The following GPD2 variants were observed in gnomAD, a reference collection of about 807,000 sequenced individuals.
The protein encoded by GPD2 is glycerol-3-phosphate dehydrogenase, mitochondrial.
In GPD2, 54 loss-of-function variants were observed where a neutral mutation model predicts 82.4. That is an observed-to-expected ratio of 0.66 (90% CI 0.53 to 0.82). The LOEUF (loss-of-function observed/expected upper bound fraction) is 0.82. Among genes scored for constraint, GPD2 ranks in the 40% least tolerant of loss-of-function variants. GPD2 has a pLI of 0.00. For missense variants in GPD2, 748 were observed against 896.2 expected, an observed-to-expected ratio of 0.83 and a Z score of 2.11; for synonymous variants, 288 against 306.1, an observed-to-expected ratio of 0.94 and a Z score of 0.62.
intron 2 of GPD2, among the ~76,000 whole-genome samples, chr2:156,492,315 G>A (rs796362951): frequency 1.3e-4 from 19 of 151,110 alleles, no homozygotes; most frequent in African/African-American, 2.7e-4. Context: ...CACCATGCCC[G>A]GCTAATTTTT....
chr2:156,530,984 G>A (rs1289975006), intron 6 of GPD2, among the ~76,000 whole-genome samples: 1 of 152,090 alleles, frequency 6.6e-6, no homozygotes, highest in African/African-American at 2.4e-5. Context: ...GCACCACGGT[G>A]CTTTGTTTAA....
chr2:156,520,824 A>G (rs964722730), intron 6 of GPD2, among the ~76,000 whole-genome samples: 8 of 152,168 alleles, frequency 5.3e-5, no homozygotes, highest in Non-Finnish European at 1.0e-4. Context: ...GAGCTCTGGC[A>G]GTCCGCCTGC....
At chr2:156,427,858 T>C in the GPD2 span, among the ~76,000 whole-genome samples, 1 of 152,196 alleles carries the variant, frequency 6.6e-6, no homozygotes, top group African/African-American at 2.4e-5. Flanking sequence ...GAGAATCCAT[T>C]CTGTGTTTCT....
At chr2:156,553,999 C>G (rs1364901651) in intron 8 of GPD2, among the ~76,000 whole-genome samples, 1 of 152,104 alleles carries the variant, frequency 6.6e-6, no homozygotes, top group Non-Finnish European at 1.5e-5. Context: ...ACTACACATC[C>G]TGTTGGAAGC....
In GPD2 at chr2:156,550,668, G is replaced by A. The variant is rs773066241; in HGVS notation, c.893G>A (p.Arg298His). 2.7e-5 allele frequency: 43 copies of A among 1,613,480 alleles called. No individual in the cohort carries two copies. Among genetic ancestry groups the A allele is most frequent in the Admixed American group, 1.3e-4 (8 of 60,004 alleles). Residue 298 changes from arginine (R) to histidine (H), a missense_variant, in exon 8 of 17, where the codon CGC becomes CAC. By Grantham distance (29) the Arg-to-His change is conservative. Coordinates refer to ENST00000438166, the MANE Select transcript of GPD2 (RefSeq NM_000408.5). Reference protein sequence around the residue: ...NATGPFTDSVRKMDDKDAAAI... With the variant: ...NATGPFTDSVHKMDDKDAAAI... ...ACGGGACCTTTCACGGACTCTGTGC[G>A]CAAAATGGATGATAAAGACGCAGCA...
rs200126379 is a variant in GPD2, at chr2:156,450,682, T to A, written c.-9+14169T>A. 1.9e-4 allele frequency among the ~76,000 whole-genome samples: 21 copies of A among 112,420 alleles called. 1 individual carries two copies. The South Asian group carries it at 2.4e-3, about 13-fold the overall frequency. 73.8% of individuals were successfully genotyped at this position (112,420 alleles called of 152,430 possible). ...AGACAACTCTTTTTTTTTTTTTTTT[T>A]ATTGCTCATTCTTGGGTGTTTCTCG... On this transcript the variant is annotated intron_variant, in intron 1 of 16. Coordinates refer to ENST00000438166, the MANE Select transcript of GPD2 (RefSeq NM_000408.5).
chr2:156,507,231 T>C (rs297593), intron 3 of GPD2, among the ~76,000 whole-genome samples: 105,932 of 151,758 alleles, frequency 0.7, 37,129 homozygotes, highest in Middle Eastern at 0.82. Flanking sequence ...AGGCTGGTCT[T>C]GAACTCCTGA....
the GPD2 span, among the ~76,000 whole-genome samples, chr2:156,419,375 A>G: frequency 6.6e-6 from 1 of 152,152 alleles, no homozygotes. Context: ...ACTGTTTTCT[A>G]AGCTCCAACA....
chr2:156,438,590 T>C (rs1023531329), intron 1 of GPD2, among the ~76,000 whole-genome samples: 22 of 152,216 alleles, frequency 1.4e-4, no homozygotes, highest in Admixed American at 4.6e-4. Flanking sequence ...TTCTCAGTTT[T>C]AGTTTTTGAA....
At chr2:156,496,930 A>G (rs906652702) in intron 3 of GPD2, among the ~76,000 whole-genome samples, 1 of 149,574 alleles carries the variant, frequency 6.7e-6, no homozygotes, top group Non-Finnish European at 1.5e-5. Flanking sequence ...AATGGAAAAT[A>G]TCACTAATCT....
At chr2:156,412,868 A>C in the GPD2 span, among the ~76,000 whole-genome samples, 8 of 152,286 alleles carry the variant, frequency 5.3e-5, no homozygotes, top group African/African-American at 1.4e-4. Context: ...AGGCTGAGAC[A>C]GGTGGATCAA....
chr2:156,492,444 CTT>C (rs79707384), intron 2 of GPD2, among the ~76,000 whole-genome samples: 1 of 131,868 alleles, frequency 7.6e-6, no homozygotes, highest in Non-Finnish European at 1.6e-5. Flanking sequence ...TGCACCTGGC[CTT>C]TTTTTTTTTT....
At chr2:156,570,286 C>G in intron 12 of GPD2, 68 bp downstream of exon 12, 1 of 1,461,092 alleles carries the variant, frequency 6.8e-7, no homozygotes, top group Non-Finnish European at 9.6e-7. Flanking sequence ...CATTTGTCAT[C>G]TTTAAAAATT....
chr2:156,521,067 A>G (rs1685389872), intron 6 of GPD2, among the ~76,000 whole-genome samples: 1 of 152,204 alleles, frequency 6.6e-6, no homozygotes, highest in Non-Finnish European at 1.5e-5. Context: ...TATATGTACA[A>G]AAAGTTCATA....
At chr2:156,548,211 C>T (rs1158829096) in intron 6 of GPD2, among the ~76,000 whole-genome samples, 1 of 152,064 alleles carries the variant, frequency 6.6e-6, no homozygotes, top group African/African-American at 2.4e-5. Context: ...GCAAGGAACC[C>T]TACATTAATA....
chr2:156,562,198 T>G (rs1194431228), intron 9 of GPD2, among the ~76,000 whole-genome samples: 1 of 152,220 alleles, frequency 6.6e-6, no homozygotes, highest in East Asian at 1.9e-4. Context: ...TTTAGGCAGC[T>G]TCTCTACTTG....
chr2:156,561,133 C>T (rs943422976), intron 9 of GPD2, among the ~76,000 whole-genome samples: 3 of 137,262 alleles, frequency 2.2e-5, no homozygotes, highest in Non-Finnish European at 4.6e-5. Context: ...CTGCAACTTC[C>T]GCCTCCTGGG....
the GPD2 span, among the ~76,000 whole-genome samples, chr2:156,405,144 TG>T: frequency 6.6e-6 from 1 of 152,078 alleles, no homozygotes; most frequent in African/African-American, 2.4e-5. Context: ...AGCTCTAGCA[TG>T]AGGTGCATGG....
Position 156,514,595 on chromosome 2 carries a change from A to G in GPD2, c.661+1099A>G, listed in dbSNP as rs144798921. Among the ~76,000 whole-genome samples, 1,126 of 152,172 alleles carry G rather than the reference A, an allele frequency of 7.4e-3. 11 individuals carry two copies. The highest frequency in any genetic ancestry group is 0.024 in the Middle Eastern group (7 of 294). ...CAGTGTTACATTTCTGAACCAATTC[A>G]GCTGTCAGGCTTTCATATATAAATG... On this transcript the variant is annotated intron_variant, in intron 6 of 16. Coordinates refer to ENST00000438166, the MANE Select transcript of GPD2 (RefSeq NM_000408.5).
Sources: allele counts gnomAD v4.1 joint callset (sites outside exome capture counted in the v4.1 genomes callset), GRCh38; gene constraint gnomAD v4.1.1; transcripts MANE v1.5; gene names NCBI Gene and HGNC (gene_info 2026-07-23, HGNC 2026-07-21).